Variants in MRPL43 observed in about 807,000 individuals in gnomAD.
MRPL43 encodes large ribosomal subunit protein mL43.
A neutral mutation model predicts 12.7 loss-of-function variants in MRPL43; 9 were observed. The observed-to-expected ratio is 0.71, with a 90% confidence interval of 0.43 to 1.24. The LOEUF (loss-of-function observed/expected upper bound fraction) is 1.24. Among genes scored for constraint, MRPL43 ranks in the 50% most tolerant of loss-of-function variants. MRPL43 has a pLI of 0.00. For synonymous variants in MRPL43, 116 were observed against 96.4 expected (o/e 1.20, Z -1.19); for missense variants, 211 against 229.2 (o/e 0.92, Z 0.51).
chr10:100,978,989 C>G, downstream of MRPL43: 1 of 1,614,120 alleles, frequency 6.2e-7, no homozygotes, highest in Non-Finnish European at 8.5e-7. Context: ...CAGCAGTCAC[C>G]GTGTGGCCCG....
downstream of MRPL43, chr10:100,986,244 T>C: frequency 1.6e-6 from 2 of 1,242,376 alleles, no homozygotes; most frequent in South Asian, 3.8e-5. Flanking sequence ...GTGCTTAACA[T>C]ATGCACACAT....
chr10:100,986,204 CTA>C (rs1302771099), downstream of MRPL43: 7 of 872,030 alleles, frequency 8.0e-6, no homozygotes, highest in Non-Finnish European at 9.0e-6. Flanking sequence ...TGTTCTGCGT[CTA>C]GTTTTAAAAT....
At chr10:100,980,385 C>A, downstream of MRPL43, 2 of 1,565,972 alleles carry the variant, frequency 1.3e-6, no homozygotes, top group Non-Finnish European at 1.8e-6. Context: ...TGGCCCTGAT[C>A]ACTAATGCTT....
chr10:100,986,373 G>T lies in MRPL43; in HGVS notation c.*361C>A, dbSNP rs370502772. On this transcript the variant is annotated 3_prime_UTR_variant, in exon 3 of 3. Coordinates refer to ENST00000318364, the MANE Select transcript of MRPL43 (RefSeq NM_032112.3). Reference sequence around the variant, plus strand: ...CAGCAGAGCTCTCCGTAGCTCAGTGGTTGTTCCAATAAGACATCAGGGATT... The same window carrying T: ...CAGCAGAGCTCTCCGTAGCTCAGTGTTTGTTCCAATAAGACATCAGGGATT... 12 of 1,458,932 alleles carry T rather than the reference G, an allele frequency of 8.2e-6. No homozygotes were observed. In the East Asian group the frequency reaches 1.2e-4, roughly 15 times the overall value. 90.4% of individuals were successfully genotyped at this position (1,458,932 alleles called of 1,614,324 possible).
downstream of MRPL43, chr10:100,984,343 C>CGGTGCTCCTCAGAGGTA: frequency 6.9e-7 from 1 of 1,441,478 alleles, no homozygotes; most frequent in Non-Finnish European, 9.1e-7. Flanking sequence ...CCAGGCCCAT[C>CGGTGCTCCTCAGAGGTA]GGTGCTCCTC....
downstream of MRPL43, chr10:100,978,403 T>C: frequency 6.2e-7 from 1 of 1,610,892 alleles, no homozygotes; most frequent in Non-Finnish European, 8.5e-7. Context: ...GCAGGCCTTC[T>C]TCCCTATCAC....
chr10:100,984,755 A>C (rs1219725456), downstream of MRPL43: 2 of 1,535,952 alleles, frequency 1.3e-6, no homozygotes, highest in South Asian at 1.2e-5. Flanking sequence ...CCCCAGCCCC[A>C]TGTGGTGACC....
downstream of MRPL43, chr10:100,984,848 T>C: frequency 6.7e-7 from 1 of 1,502,796 alleles, no homozygotes; most frequent in Non-Finnish European, 8.9e-7. Flanking sequence ...GTGTGGCCCT[T>C]GTGAATCAGC....
At chr10:100,983,389 G>C, downstream of MRPL43, 1 of 1,611,360 alleles carries the variant, frequency 6.2e-7, no homozygotes, top group Non-Finnish European at 8.5e-7. Context: ...AACCTGGCCC[G>C]GGCCTTGTGG....
chr10:100,985,079 G>A (rs938406307), downstream of MRPL43: 14 of 624,072 alleles, frequency 2.2e-5, no homozygotes, highest in Non-Finnish European at 3.4e-5. Flanking sequence ...TGTCCTCACA[G>A]GCCCTTGCCT....
chr10:100,981,086 T>C (rs373677227), downstream of MRPL43: 23 of 1,605,438 alleles, frequency 1.4e-5, no homozygotes, highest in African/African-American at 2.0e-4. Flanking sequence ...GGGCTAGTTA[T>C]TAGTAACAGA....
At chr10:100,983,987 G>T, downstream of MRPL43, 1 of 1,612,864 alleles carries the variant, frequency 6.2e-7, no homozygotes, top group East Asian at 2.2e-5. Context: ...TGCGGAGGAT[G>T]AATGGCAATA....
chr10:100,987,343 CT>C lies in MRPL43; in HGVS notation c.100del (p.Ser34AlafsTer18). ...GCCGCGAGACGAGGCGCCGTCGCGG[CT>C]GACGCTGAAGCTCAGACGCTGCAGC... ...QQLQRLSFSV[S>X]RDGASSRGAR... is the part of the protein sequence containing the mutation. On this transcript the variant is annotated frameshift_variant, in exon 1 of 3. Transcript: ENST00000318364. LOFTEE classifies it high-confidence loss of function. The C allele has an allele frequency of 6.2e-7, 1 of 1,612,526 alleles. No homozygotes were observed. Among genetic ancestry groups the C allele is most frequent in the Non-Finnish European group, 8.5e-7 (1 of 1,179,854 alleles).
downstream of MRPL43, chr10:100,980,156 A>G (rs917222193): frequency 1.7e-5 from 28 of 1,614,196 alleles, no homozygotes; most frequent in Non-Finnish European, 2.3e-5. Context: ...CAAGGCTACA[A>G]TTCATCCCAA....
chr10:100,983,697 C>G, downstream of MRPL43: 1 of 1,613,614 alleles, frequency 6.2e-7, no homozygotes. Context: ...GGCCTCCTCC[C>G]TCCTCTATGT....
chr10:100,986,220 G>T, downstream of MRPL43: 2 of 1,045,888 alleles, frequency 1.9e-6, no homozygotes, highest in South Asian at 4.8e-5. Flanking sequence ...TTAAAATAAT[G>T]AAAACTGAGG....
chr10:100,983,801 A>G, downstream of MRPL43: 1 of 1,605,992 alleles, frequency 6.2e-7, no homozygotes, highest in Non-Finnish European at 8.5e-7. Context: ...AACTGCAGAC[A>G]GTCTCAGGCC....
rs1225967008 is a variant in MRPL43 at position 100,987,480 on chromosome 10, G to C, written c.-37C>G. The C allele has an allele frequency of 1.2e-6, 2 of 1,605,324 alleles. No individual in the cohort carries two copies. The highest frequency in any genetic ancestry group is 1.3e-5 in the African/African-American group (1 of 74,740). On this transcript the variant is annotated 5_prime_UTR_variant, in exon 1 of 3. Coordinates refer to ENST00000318364, the MANE Select transcript of MRPL43 (RefSeq NM_032112.3). ...GGAGGCCGCGGAGCCTAAGCAGCGA[G>C]GAGAGGGGGGCGGGACTAAACCTCG...
At chr10:100,978,317 CA>C, downstream of MRPL43, 1 of 1,613,472 alleles carries the variant, frequency 6.2e-7, no homozygotes, top group Non-Finnish European at 8.5e-7. Flanking sequence ...TTCACCTTGC[CA>C]ACCAGCTTCG....
Sources: gnomAD v4.1 joint callset for allele counts on GRCh38, gnomAD v4.1.1 for gene constraint, MANE v1.5 for transcripts, NCBI Gene and HGNC (gene_info 2026-07-23, HGNC 2026-07-21) for gene names.